The following OVCH1 variants were observed in gnomAD, a reference collection of about 807,000 sequenced individuals.
The protein encoded by OVCH1 is ovochymase 1, also known as ovochymase-1.
OVCH1 carries 139 observed loss-of-function variants against 138.4 expected under a neutral mutation model. The ratio of observed to expected loss-of-function variants is 1.00; its 90% CI spans 0.87 to 1.16. The LOEUF is 1.16. Among genes scored for constraint, OVCH1 ranks in the 50% most tolerant of loss-of-function variants. OVCH1 has a pLI of 0.00. For missense variants in OVCH1, 1,367 were observed against 1,357.9 expected (o/e 1.01, Z -0.11); for synonymous variants, 453 against 467.8 (o/e 0.97, Z 0.41).
At chr12:29,455,018 GA>G in intron 20 of OVCH1, 85 bp from the exon 21 acceptor site, 1 of 1,280,548 alleles carries the variant, frequency 7.8e-7, no homozygotes, top group African/African-American at 1.5e-5. Flanking sequence ...ACTATCAAAA[GA>G]AACAAAAAAG....
intron 13 of OVCH1, 84 bp downstream of exon 13, chr12:29,476,122 T>G: frequency 1.9e-6 from 2 of 1,073,946 alleles, no homozygotes; most frequent in Non-Finnish European, 2.9e-6. Context: ...CACTCTACGT[T>G]CTGGTACCCA....
At chr12:29,437,378 A>C (rs1273490840) in intron 26 of OVCH1, among the ~76,000 whole-genome samples, 1 of 152,182 alleles carries the variant, frequency 6.6e-6, no homozygotes, top group Non-Finnish European at 1.5e-5. Flanking sequence ...ATTTTTTCAT[A>C]TTATGAATCC....
At chr12:29,445,457 T>C in intron 22 of OVCH1, 54 bp from the exon 23 acceptor site, 1 of 1,514,148 alleles carries the variant, frequency 6.6e-7, no homozygotes, top group Non-Finnish European at 9.0e-7. Flanking sequence ...TTGACAGCAG[T>C]TTCTGTATTT....
At chr12:29,421,637 A>G (rs1406642575) in intron 3 of OVCH1, among the ~76,000 whole-genome samples, 1 of 152,162 alleles carries the variant, frequency 6.6e-6, no homozygotes, top group African/African-American at 2.4e-5. Flanking sequence ...ACTTTACACT[A>G]CACGTATTCA....
At chr12:29,493,509 A>G (rs539317416) in intron 4 of OVCH1, among the ~76,000 whole-genome samples, 3 of 152,150 alleles carry the variant, frequency 2.0e-5, no homozygotes, top group East Asian at 3.9e-4. Flanking sequence ...ACTCTTTCTA[A>G]ACTTCAAATT....
downstream of OVCH1, chr12:29,426,029 CAAGTA>C (rs1350138289): frequency 1.3e-5 from 2 of 152,160 alleles, no homozygotes; most frequent in Admixed American, 6.5e-5. Context: ...TGCACACCAA[CAAGTA>C]AAGAACTTGT....
At chr12:29,494,908 T>C (rs534058371) in intron 4 of OVCH1, among the ~76,000 whole-genome samples, 10 of 152,256 alleles carry the variant, frequency 6.6e-5, no homozygotes, top group African/African-American at 2.4e-4. Context: ...ATCAGAGAAA[T>C]AATTCAAGTG....
At chr12:29,436,002 C>A (rs12823082) in intron 26 of OVCH1, among the ~76,000 whole-genome samples, 46,256 of 152,034 alleles carry the variant, frequency 0.3, 8,481 homozygotes, top group Middle Eastern at 0.52. Context: ...TCTTTTTAGA[C>A]CTGTATTTCA....
At chr12:29,424,570 A>G (rs2135890486), downstream of OVCH1, among the ~76,000 whole-genome samples, 1 of 152,328 alleles carries the variant, frequency 6.6e-6, no homozygotes, top group South Asian at 2.1e-4. Context: ...AAGTCCTGTC[A>G]GTGAAGGGAC....
intron 7 of OVCH1, among the ~76,000 whole-genome samples, chr12:29,486,642 CA>C (rs1305546065): frequency 6.6e-6 from 1 of 151,986 alleles, no homozygotes; most frequent in African/African-American, 2.4e-5. Context: ...ACCCTATTTC[CA>C]AAGCATAGCC....
chr12:29,431,621 A>G (rs1328885069), intron 27 of OVCH1, among the ~76,000 whole-genome samples: 1 of 152,168 alleles, frequency 6.6e-6, no homozygotes, highest in Admixed American at 6.5e-5. Context: ...CCTCATATAA[A>G]TTATAATGGC....
chr12:29,435,653 G>T (rs974772062), intron 26 of OVCH1, among the ~76,000 whole-genome samples: 4 of 152,118 alleles, frequency 2.6e-5, no homozygotes, highest in Non-Finnish European at 5.9e-5. Context: ...CGCACCCGGA[G>T]GCCCCGTGAC....
chr12:29,495,834 G>GT (rs987650118), intron 3 of OVCH1, among the ~76,000 whole-genome samples: 5 of 152,098 alleles, frequency 3.3e-5, no homozygotes, highest in Non-Finnish European at 5.9e-5. Context: ...AATTTCTGCA[G>GT]TTTTTTCCCT....
At chr12:29,440,411 C>G (rs1466975999) in intron 25 of OVCH1, 1 of 177,110 alleles carries the variant, frequency 5.6e-6, no homozygotes, top group African/African-American at 2.4e-5. Context: ...TTTTTCCAAT[C>G]TTTGTGTGCC....
intron 3 of OVCH1, among the ~76,000 whole-genome samples, chr12:29,420,256 TTTTCAGAACTTTCTA>T (rs1592024217): frequency 6.6e-6 from 1 of 152,134 alleles, no homozygotes; most frequent in African/African-American, 2.4e-5. Flanking sequence ...TCTTTAAAAT[TTTTCAGAACTTTCTA>T]TATTTATTTT....
intron 21 of OVCH1, among the ~76,000 whole-genome samples, chr12:29,453,091 T>TA (rs1347749884): frequency 6.6e-6 from 1 of 152,200 alleles, no homozygotes; most frequent in African/African-American, 2.4e-5. Context: ...CCCTTCCTGT[T>TA]ATAAATGCCT....
downstream of OVCH1, among the ~76,000 whole-genome samples, chr12:29,423,824 T>C (rs563958311): frequency 7.2e-4 from 109 of 152,296 alleles, 1 homozygote; most frequent in African/African-American, 2.5e-3. Flanking sequence ...AATCTCTACA[T>C]CGTCCTTATC....
chr12:29,475,363 G>A (rs752217313), intron 13 of OVCH1, among the ~76,000 whole-genome samples, 174 bp from the exon 14 acceptor site: 16 of 151,960 alleles, frequency 1.1e-4, no homozygotes, highest in South Asian at 2.1e-4. Context: ...ATAACAATGC[G>A]CTGTAATTTT....
intron 26 of OVCH1, among the ~76,000 whole-genome samples, chr12:29,436,041 T>C (rs1285847844): frequency 6.6e-6 from 1 of 152,206 alleles, no homozygotes; most frequent in Non-Finnish European, 1.5e-5. Context: ...TTGAATTATA[T>C]AGTTCATCCT....
Sources: gnomAD v4.1 joint callset for allele counts (sites outside exome capture counted in the v4.1 genomes callset) on GRCh38, gnomAD v4.1.1 for gene constraint, MANE v1.5 for transcripts, NCBI Gene and HGNC (gene_info 2026-07-23, HGNC 2026-07-21) for gene names.